ZNF540: variants seen among roughly 807,000 people sequenced by gnomAD.
The protein encoded by ZNF540 is zinc finger protein 540, also known as CTD-3064H18.6.
A neutral mutation model predicts 11.8 loss-of-function variants in ZNF540; 3 were observed. The ratio of observed to expected loss-of-function variants is 0.25; its 90% CI spans 0.12 to 0.65. The LOEUF is 0.65. Among genes scored for constraint, ZNF540 ranks in the 30% least tolerant of loss-of-function variants. The probability of loss-of-function intolerance (pLI) is 0.83; values close to 1 mark genes in which losing one functional copy is unlikely to be tolerated. For missense variants in ZNF540, 709 were observed against 793.1 expected, an observed-to-expected ratio of 0.89 and a Z score of 1.27; for synonymous variants, 247 against 259.0, an observed-to-expected ratio of 0.95 and a Z score of 0.45.
At position 37,612,077 on chromosome 19, in the gene ZNF540, CT is replaced by C; in HGVS notation, c.798del (p.Gly267ValfsTer18). ...PQLNRHQKIH[T>X]GKKPYMCKKC... Reference sequence around the variant, plus strand: ...CTTAATCGACATCAGAAAATTCACACTGGTAAAAAACCCTATATGTGTAAGA... The same window carrying C: ...CTTAATCGACATCAGAAAATTCACACGGTAAAAAACCCTATATGTGTAAGA... On this transcript the variant is annotated frameshift_variant, in exon 5 of 5. Transcript: ENST00000316433. LOFTEE classifies it low-confidence loss of function (END_TRUNC). The C allele has an allele frequency of 6.2e-7, 1 of 1,611,594 alleles. No homozygotes were observed. Among genetic ancestry groups the C allele is most frequent in the African/African-American group, 1.3e-5 (1 of 74,846 alleles).
upstream of ZNF540, among the ~76,000 whole-genome samples, chr19:37,592,280 A>C (rs2043890240): frequency 1.3e-5 from 2 of 152,174 alleles, no homozygotes; most frequent in Admixed American, 6.5e-5. Flanking sequence ...CTTGGTATCA[A>C]TCATAAGTGG....
At chr19:37,554,726 CTT>C (rs1211269722) in intron 1 of ZNF540, 2 of 152,180 alleles carry the variant, frequency 1.3e-5, no homozygotes, top group East Asian at 1.9e-4. Context: ...CACCAAGACT[CTT>C]TTACAGTGTT....
chr19:37,581,692 G>GGC (rs2043470522), intron 1 of ZNF540, among the ~76,000 whole-genome samples: 1 of 151,362 alleles, frequency 6.6e-6, no homozygotes, highest in African/African-American at 2.4e-5. Context: ...TGAATTCCTG[G>GGC]GCTCAAGCAA....
rs112077351 is a variant in ZNF540 at position 37,613,465 on chromosome 19, GTTC to G, written c.*204_*206del. 1,201 of 456,510 alleles carry G rather than the reference GTTC, an allele frequency of 2.6e-3. 11 individuals carry two copies. Among genetic ancestry groups the G allele is most frequent in the African/African-American group, 0.021 (1,074 of 50,354 alleles). 28.3% of individuals were successfully genotyped at this position (456,510 alleles called of 1,614,324 possible). On this transcript the variant is annotated 3_prime_UTR_variant, in exon 5 of 5. Coordinates refer to ENST00000316433, the MANE Select transcript of ZNF540 (RefSeq NM_001172225.3). ...GTTAATGTAACAGTTGTGGAAAAGT[GTTC>G]TAGCAACAGCATATACTTATCATCA...
intron 1 of ZNF540, chr19:37,586,986 A>G: frequency 2.9e-6 from 1 of 348,386 alleles, no homozygotes; most frequent in Non-Finnish European, 5.1e-6. Flanking sequence ...ACAGTAGAAC[A>G]GAGGCATGCC....
chr19:37,577,507 T>C (rs1020285776), intron 1 of ZNF540, among the ~76,000 whole-genome samples: 3 of 152,102 alleles, frequency 2.0e-5, no homozygotes, highest in African/African-American at 7.2e-5. Flanking sequence ...GAAAGAATAT[T>C]AAGGACAAAA....
chr19:37,587,290 A>G (rs1308320933), intron 1 of ZNF540: 4 of 152,262 alleles, frequency 2.6e-5, no homozygotes, highest in East Asian at 1.9e-4. Flanking sequence ...TATTCTCCCA[A>G]TTACAACACC....
intron 4 of ZNF540, among the ~76,000 whole-genome samples, chr19:37,603,212 G>A (rs1397533609): frequency 2.6e-5 from 4 of 152,008 alleles, no homozygotes; most frequent in Admixed American, 6.6e-5. Context: ...TCACTATGTT[G>A]GCCATGCTGG....
chr19:37,563,600 T>C (rs1239639817), intron 1 of ZNF540: 1 of 151,054 alleles, frequency 6.6e-6, no homozygotes, highest in African/African-American at 2.5e-5. Flanking sequence ...ATGGAATACA[T>C]ATATGCATAC....
In ZNF540 at chr19:37,564,488, T is replaced by C. The variant is rs1045861097; in HGVS notation, c.-73+12823T>C. 183 of 968,532 alleles carry C rather than the reference T, an allele frequency of 1.9e-4. 1 individual carries two copies. In the Middle Eastern group the frequency reaches 2.3e-3, roughly 12 times the overall value. The allele number at this position is 968,532 out of a possible 1,614,324, so 60.0% of individuals were successfully genotyped here. ...AAATTATTCTGCATCCATGTTAATG[T>C]AGGCCTTCTAAGAATGAGCAGATTC... On this transcript the variant is annotated intron_variant, in intron 1 of 4. Coordinates refer to the ZNF540 transcript ENST00000592533.
chr19:37,594,805 C>G (rs2043970863), upstream of ZNF540: 2 of 152,322 alleles, frequency 1.3e-5, no homozygotes, highest in Non-Finnish European at 2.9e-5. Context: ...CGTTGCGCAG[C>G]GACGCGGGGG....
At position 37,599,382 on chromosome 19, in the gene ZNF540, GTAGT is replaced by G. The variant is rs373046190; in HGVS notation, c.10-241_10-238del. 9.3e-3 allele frequency among the ~76,000 whole-genome samples: 1,416 copies of G among 152,224 alleles called. 12 individuals are homozygous for G. Among genetic ancestry groups the G allele is most frequent in the Non-Finnish European group, 0.016 (1,080 of 68,016 alleles). Reference sequence around the variant, plus strand: ...TTATTTGTTCCCAGAAATGTTTTGAGTAGTTAAAGAACCCCATAATATACAGGAA... The same window carrying G: ...TTATTTGTTCCCAGAAATGTTTTGAGTAAAGAACCCCATAATATACAGGAA... On this transcript the variant is annotated intron_variant, in intron 2 of 4. Coordinates refer to ENST00000316433, the MANE Select transcript of ZNF540 (RefSeq NM_001172225.3).
chr19:37,553,825 CT>C (rs2042633473), intron 1 of ZNF540, among the ~76,000 whole-genome samples: 1 of 152,102 alleles, frequency 6.6e-6, no homozygotes, highest in South Asian at 2.1e-4. Flanking sequence ...CATCCCTATA[CT>C]ACATTATTGA....
At chr19:37,577,944 G>C (rs2043301326) in intron 1 of ZNF540, among the ~76,000 whole-genome samples, 1 of 152,196 alleles carries the variant, frequency 6.6e-6, no homozygotes, top group Non-Finnish European at 1.5e-5. Flanking sequence ...CAGAGCAGGA[G>C]GTGAGCAGTG....
intron 1 of ZNF540, among the ~76,000 whole-genome samples, chr19:37,553,154 A>T (rs2042626544): frequency 1.8e-5 from 1 of 54,158 alleles, no homozygotes; most frequent in Non-Finnish European, 3.3e-5. Flanking sequence ...TTTTTTTTGG[A>T]GACAGTCTCG....
At chr19:37,605,226 T>G (rs908919105) in intron 4 of ZNF540, among the ~76,000 whole-genome samples, 4 of 151,910 alleles carry the variant, frequency 2.6e-5, no homozygotes, top group African/African-American at 9.7e-5. Flanking sequence ...TTTGGGAGGC[T>G]AAGGCAGGCG....
intron 1 of ZNF540, among the ~76,000 whole-genome samples, chr19:37,561,048 C>CAAAAAA (rs199892724): frequency 1.8e-3 from 129 of 73,554 alleles, no homozygotes; most frequent in Non-Finnish European, 2.3e-3. Context: ...CCTGTCTCTA[C>CAAAAAA]AAAAAAAAAA....
intron 1 of ZNF540, among the ~76,000 whole-genome samples, chr19:37,575,120 G>A (rs144266599): frequency 7.9e-4 from 120 of 152,294 alleles, no homozygotes; most frequent in Non-Finnish European, 1.4e-3. Flanking sequence ...TGAAGCTGAT[G>A]TTCCACTTAA....
At chr19:37,600,894 TCCGAAG>T in intron 3 of ZNF540, 110 bp from the exon 4 acceptor site, 4 of 842,184 alleles carry the variant, frequency 4.7e-6, no homozygotes, top group Admixed American at 2.5e-5. Flanking sequence ...GTCAGTTTTT[TCCGAAG>T]TCTTCATCGA....
Sources: allele counts gnomAD v4.1 joint callset (sites outside exome capture counted in the v4.1 genomes callset), GRCh38; gene constraint gnomAD v4.1.1; transcripts MANE v1.5; gene names NCBI Gene and HGNC (gene_info 2026-07-23, HGNC 2026-07-21).